Variants in YJU2 observed in about 807,000 individuals in gnomAD.
YJU2 encodes the protein YJU2 splicing factor homolog, also known as splicing factor YJU2.
A neutral mutation model predicts 39.6 loss-of-function variants in YJU2; 28 were observed. That is an observed-to-expected ratio of 0.71 (90% CI 0.52 to 0.97). The LOEUF is 0.97. YJU2 is among the 50% of genes least tolerant of loss of function. YJU2 has a pLI of 0.00. For missense variants in YJU2, 328 were observed against 430.4 expected (o/e 0.76, Z 2.11); for synonymous variants, 184 against 182.4 (o/e 1.01, Z -0.07).
chr19:4,257,093 G>A (rs2144693400), intron 4 of YJU2, among the ~76,000 whole-genome samples: 1 of 152,136 alleles, frequency 6.6e-6, no homozygotes, highest in South Asian at 2.1e-4. Flanking sequence ...CTGGGAAGCA[G>A]CCAGGCAGGA....
intron 5 of YJU2, among the ~76,000 whole-genome samples, chr19:4,260,614 G>A (rs1031589185): frequency 6.6e-6 from 1 of 152,064 alleles, no homozygotes; most frequent in East Asian, 1.9e-4. Context: ...GTATGTGCCT[G>A]TAGTCCTAGC....
rs1425178041 is a variant in YJU2 at position 4,247,568 on chromosome 19, GGGGTGGGGTGGC to G, written c.24+400_24+411del. Among the ~76,000 whole-genome samples, 264 of 90,824 alleles carry G rather than the reference GGGGTGGGGTGGC, an allele frequency of 2.9e-3. 36 individuals are homozygous for G. Among genetic ancestry groups the G allele is most frequent in the African/African-American group, 0.022 (255 of 11,568 alleles). 59.6% of individuals were successfully genotyped at this position (90,824 alleles called of 152,430 possible). On this transcript the variant is annotated intron_variant, in intron 1 of 7. Coordinates refer to ENST00000262962, the MANE Select transcript of YJU2 (RefSeq NM_018074.6). ...ACCAATCGTGTACTTTGGGTGGGGT[GGGGTGGGGTGGC>G]GCGTGTGTGTGTGTGTGTGTGTGTG... is the stretch of plus-strand genomic sequence containing the variant.
chr19:4,264,830 G>GT, intron 6 of YJU2, among the ~76,000 whole-genome samples: 1 of 152,060 alleles, frequency 6.6e-6, no homozygotes. Context: ...GTCTTGCTGT[G>GT]TTGCCCAGGC....
In YJU2 at chr19:4,269,032, T is replaced by C. The variant is rs1971141805; in HGVS notation, c.*336T>C. 1.0e-5 allele frequency: 3 copies of C among 301,100 alleles called. No homozygotes were observed. In the Admixed American group the frequency reaches 1.4e-4, roughly 14 times the overall value. The allele number at this position is 301,100 out of a possible 1,614,324, so 18.7% of individuals were successfully genotyped here. ...CTGGGCGAGCCTGCCGGCCTCTAGA[T>C]GGCCTCATCTCTTCCTTCCACAAAC... On this transcript the variant is annotated 3_prime_UTR_variant, in exon 8 of 8. Transcript: ENST00000262962.
intron 6 of YJU2, among the ~76,000 whole-genome samples, chr19:4,265,030 CTCT>C (rs1438132652): frequency 1.3e-5 from 2 of 152,216 alleles, no homozygotes; most frequent in East Asian, 1.9e-4. Context: ...ACAACTTCCT[CTCT>C]TCTTTTCTTT....
intron 3 of YJU2, among the ~76,000 whole-genome samples, 153 bp downstream of exon 3, chr19:4,251,324 C>T (rs1262686023): frequency 1.3e-5 from 2 of 152,108 alleles, no homozygotes; most frequent in Non-Finnish European, 2.9e-5. Flanking sequence ...GGGAGATGTT[C>T]ATGGCAGCAT....
chr19:4,268,153 C>T (rs1315240230), intron 7 of YJU2, among the ~76,000 whole-genome samples: 1 of 152,012 alleles, frequency 6.6e-6, no homozygotes, highest in Non-Finnish European at 1.5e-5. Flanking sequence ...CCATGTTGGT[C>T]AGGCTGGTCT....
At position 4,268,592 on chromosome 19, in the gene YJU2, C is replaced by T; in HGVS notation, c.868C>T (p.Gln290Ter). ...PQAAPTPGAP[Q>*]NRKEANPTPL... ...TCTCGCTCTCCCACCAGGAGCCCCG[C>T]AGAACAGGAAGGAGGCCAACCCTAC... The change falls in exon 8 of 8, where the codon CAG becomes TAG. Residue 290 changes from glutamine to a stop codon, truncating the protein, a stop_gained. Transcript: ENST00000262962. LOFTEE classifies it low-confidence loss of function (END_TRUNC). 1 of 1,611,584 alleles carries T rather than the reference C, an allele frequency of 6.2e-7. No individual in the cohort carries two copies. The highest frequency in any genetic ancestry group is 8.5e-7 in the Non-Finnish European group (1 of 1,178,674).
At chr19:4,256,166 T>G (rs1971017474) in intron 4 of YJU2, among the ~76,000 whole-genome samples, 2 of 84,746 alleles carry the variant, frequency 2.4e-5, no homozygotes, top group South Asian at 4.0e-4. Flanking sequence ...AGCAAGACTG[T>G]CGCAAAAAAA....
At chr19:4,254,186 G>A (rs142936885) in intron 3 of YJU2, among the ~76,000 whole-genome samples, 169 bp from the exon 4 acceptor site, 1 of 152,220 alleles carries the variant, frequency 6.6e-6, no homozygotes, top group East Asian at 1.9e-4. Context: ...ATGGAGATGG[G>A]AGGAGCACTA....
intron 3 of YJU2, among the ~76,000 whole-genome samples, chr19:4,252,501 G>A (rs1433591422): frequency 4.6e-5 from 7 of 152,196 alleles, no homozygotes; most frequent in Non-Finnish European, 1.0e-4. Flanking sequence ...CTACTCGGGA[G>A]GCTGAGACAA....
Position 4,268,708 on chromosome 19 carries a change from AC to A in YJU2, c.*17del, listed in dbSNP as rs766003932. The A allele has an allele frequency of 1.1e-5, 17 of 1,593,910 alleles. No homozygotes were observed. Among genetic ancestry groups the A allele is most frequent in the Non-Finnish European group, 1.5e-5 (17 of 1,163,442 alleles). ...ACGGCAGCAACTGAGCCCTCCCAGG[AC>A]CCCCTCACGGGGTCAAAGTCACACG... On this transcript the variant is annotated 3_prime_UTR_variant, in exon 8 of 8. Coordinates refer to ENST00000262962, the MANE Select transcript of YJU2 (RefSeq NM_018074.6).
chr19:4,262,999 G>A (rs898340238), intron 6 of YJU2, among the ~76,000 whole-genome samples: 2 of 151,570 alleles, frequency 1.3e-5, no homozygotes, highest in Non-Finnish European at 2.9e-5. Context: ...GCTTGAACCC[G>A]GGAGGCGGAG....
In YJU2 at chr19:4,267,613, A is replaced by G. The variant is rs1445333489; in HGVS notation, c.709-11A>G. 2 of 1,611,130 alleles carry G rather than the reference A, an allele frequency of 1.2e-6. No homozygotes were observed. The highest frequency in any genetic ancestry group is 8.5e-7 in the Non-Finnish European group (1 of 1,178,914). ...GGGCCAGACCCCCACATGTGTCCCC[A>G]TCACCTGCAGGCCCCAAAGCCCAAG... is the stretch of plus-strand genomic sequence containing the variant. On this transcript the variant is annotated splice_polypyrimidine_tract_variant and intron_variant, in intron 6 of 7. Coordinates refer to ENST00000262962, the MANE Select transcript of YJU2 (RefSeq NM_018074.6).
At chr19:4,268,501 C>A in intron 7 of YJU2, 83 bp from the exon 8 acceptor site, 1 of 945,972 alleles carries the variant, frequency 1.1e-6, no homozygotes, top group Non-Finnish European at 1.7e-6. Flanking sequence ...CCTTGCAAAC[C>A]TGCAGAGGTG....
At chr19:4,257,320 G>GTCT (rs1703225700) in intron 4 of YJU2, among the ~76,000 whole-genome samples, 1 of 152,088 alleles carries the variant, frequency 6.6e-6, no homozygotes, top group Non-Finnish European at 1.5e-5. Flanking sequence ...TTGAGATAGA[G>GTCT]TCTCGCTCTG....
At chr19:4,250,857 C>T (rs1970970375) in intron 2 of YJU2, among the ~76,000 whole-genome samples, 170 bp from the exon 3 acceptor site, 1 of 151,978 alleles carries the variant, frequency 6.6e-6, no homozygotes, top group African/African-American at 2.4e-5. Flanking sequence ...ACACGAAGTT[C>T]TCAGGTAGAG....
rs577627170 is a variant in YJU2, at chr19:4,265,692, A to C, written c.709-1932A>C. On this transcript the variant is annotated intron_variant, in intron 6 of 7. Coordinates refer to ENST00000262962, the MANE Select transcript of YJU2 (RefSeq NM_018074.6). ...CAACCTCCGGCTCCCAGCCTGTAGC[A>C]ATTGTCCTGCCTTAGCCTCCTGAGT... is the stretch of plus-strand genomic sequence containing the variant. 9.4e-5 allele frequency among the ~76,000 whole-genome samples: 14 copies of C among 148,476 alleles called. No individual in the cohort carries two copies. The East Asian group carries it at 2.6e-3, about 28-fold the overall frequency.
chr19:4,264,007 A>G (rs912560173), intron 6 of YJU2, among the ~76,000 whole-genome samples: 18 of 151,794 alleles, frequency 1.2e-4, no homozygotes, highest in African/African-American at 4.4e-4. Context: ...TCACACCTGT[A>G]ATCCCAGCAC....
Sources: allele counts gnomAD v4.1 joint callset (sites outside exome capture counted in the v4.1 genomes callset), GRCh38; gene constraint gnomAD v4.1.1; transcripts MANE v1.5; gene names NCBI Gene and HGNC (gene_info 2026-07-23, HGNC 2026-07-21).